CCDC24: variants seen among roughly 807,000 people sequenced by gnomAD.
CCDC24 encodes the protein coiled-coil domain-containing protein 24.
Under a neutral mutation model 31.6 loss-of-function variants are expected in CCDC24, and 34 were observed. The observed-to-expected ratio is 1.08, with a 90% CI of 0.82 to 1.43. The LOEUF is 1.43. Among genes scored for constraint, CCDC24 ranks in the 40% most tolerant of loss-of-function variants. The pLI is 0.00. For synonymous variants in CCDC24, 175 were observed against 157.3 expected (o/e 1.11, Z -0.84); for missense variants, 426 against 391.1 (o/e 1.09, Z -0.75).
In CCDC24 at chr1:43,995,077, G is replaced by C. The variant is rs377140087; in HGVS notation, c.498-31G>C. The C allele has an allele frequency of 1.5e-5, 23 of 1,561,778 alleles. No individual in the cohort carries two copies. The Admixed American group carries it at 4.0e-4, about 27-fold the overall frequency. On this transcript the variant is annotated intron_variant, in intron 5 of 8. Transcript: ENST00000372318. This position sits in a 1 kb window ranked among gnomAD's most constrained non-coding sequence, Gnocchi z 4.3. The stretch of plus-strand genomic sequence containing the variant: ...CAGCTGAGCCCTGGTCCTGTGTCTC[G>C]GGTTCTGGCTGCTGCTCCCTCATGT...
At chr1:43,992,460 G>A in intron 3 of CCDC24, 63 bp from the exon 4 acceptor site, 1 of 1,612,852 alleles carries the variant, frequency 6.2e-7, no homozygotes, top group Non-Finnish European at 8.5e-7. Context: ...AGGAGCCAGG[G>A]TTGCCTTTTC....
In CCDC24 at chr1:43,991,838, G is replaced by A; in HGVS notation, c.-32-9G>A. ...CGGTACCTCCCGCACTCTGACCTGC[G>A]GCCCGTAGGTCCGAGCCGGGGACGG... On this transcript the variant is annotated splice_polypyrimidine_tract_variant and intron_variant, in intron 1 of 8. Transcript: ENST00000372318. 1 of 1,545,700 alleles carries A rather than the reference G, an allele frequency of 6.5e-7. No homozygotes were observed. Among genetic ancestry groups the A allele is most frequent in the Non-Finnish European group, 8.7e-7 (1 of 1,144,622 alleles).
chr1:43,996,407 A>C lies in CCDC24; in HGVS notation c.*247A>C. 2 of 453,520 alleles carry C rather than the reference A, an allele frequency of 4.4e-6. No individual in the cohort carries two copies. The highest frequency in any genetic ancestry group is 3.9e-6 in the Non-Finnish European group (1 of 257,170). The allele number at this position is 453,520 out of a possible 1,614,324, so 28.1% of individuals were successfully genotyped here. ...GCCTTTCTCCTCCCAGGCCTCCACAAAGGCCTGGCAGACAGAGGTCTCATT... is the reference window on the plus strand; with the variant it reads ...GCCTTTCTCCTCCCAGGCCTCCACACAGGCCTGGCAGACAGAGGTCTCATT... On this transcript the variant is annotated 3_prime_UTR_variant, in exon 9 of 9. Transcript: ENST00000372318.
At position 43,995,667 on chromosome 1, in the gene CCDC24, G is replaced by T; in HGVS notation, c.619G>T (p.Ala207Ser). The T allele has an allele frequency of 1.9e-6, 3 of 1,613,582 alleles. No homozygotes were observed. Among genetic ancestry groups the T allele is most frequent in the Non-Finnish European group, 2.5e-6 (3 of 1,179,754 alleles). Residue 207 changes from alanine (A) to serine (S), a missense_variant, in exon 7 of 9, where the codon GCA becomes TCA. By Grantham distance (99) the Ala-to-Ser change is moderately conservative (BLOSUM62 1). Transcript: ENST00000372318. The surrounding 1 kb of genome is among the most constrained non-coding windows in gnomAD (Gnocchi z 4.3). ...TGAGGCAGCCCTGGAGCCCACCCTG[G>T]CAGGTGAGGACACGGAGCAGGGCCC... ...PSEAALEPTLAELKEQKKAME... is the reference protein window; with the variant it reads ...PSEAALEPTLSELKEQKKAME...
At chr1:43,993,663 AAG>A in intron 4 of CCDC24, 2 of 483,294 alleles carry the variant, frequency 4.1e-6, no homozygotes, top group Non-Finnish European at 7.5e-6. Context: ...AAAAAAAAAA[AAG>A]GAAAAGAAAC....
chr1:43,995,182 C>G lies in CCDC24; in HGVS notation c.552+20C>G, dbSNP rs1000535126. 17 of 1,556,248 alleles carry G rather than the reference C, an allele frequency of 1.1e-5. No homozygotes were observed. The highest frequency in any genetic ancestry group is 1.4e-5 in the Non-Finnish European group (16 of 1,151,166). ...CTGCAGGTGAGCCGCAGCCCTGGGC[C>G]CTCCCCCGAGCCTCACTGCTGAGCG... On this transcript the variant is annotated intron_variant, in intron 6 of 8. Transcript: ENST00000372318. This position sits in a 1 kb window ranked among gnomAD's most constrained non-coding sequence, Gnocchi z 4.3.
chr1:43,994,035 T>G, intron 5 of CCDC24, 71 bp downstream of exon 5: 1 of 1,385,072 alleles, frequency 7.2e-7, no homozygotes, highest in African/African-American at 1.4e-5. Context: ...GGTGCTGGGA[T>G]TGTGAGACAG....
Position 43,995,598 on chromosome 1 carries a change from C to T in CCDC24, c.553-3C>T. On this transcript the variant is annotated splice_polypyrimidine_tract_variant and splice_region_variant and intron_variant, in intron 6 of 8. Coordinates refer to ENST00000372318, the MANE Select transcript of CCDC24 (RefSeq NM_152499.4). This position sits in a 1 kb window ranked among gnomAD's most constrained non-coding sequence, Gnocchi z 4.3. The stretch of plus-strand genomic sequence containing the variant: ...CTGGGCACTGACGCAGCTCTCCCTG[C>T]AGCGCTGCCTGGAAGAGGAGTATTT... 1 of 1,604,538 alleles carries T rather than the reference C, an allele frequency of 6.2e-7. No individual in the cohort carries two copies. Among genetic ancestry groups the T allele is most frequent in the Non-Finnish European group, 8.5e-7 (1 of 1,174,770 alleles).
Position 43,992,315 on chromosome 1 carries a change from T to C in CCDC24, c.230T>C (p.Leu77Pro). 6.2e-7 allele frequency: 1 copy of C among 1,614,102 alleles called. No homozygotes were observed. The highest frequency in any genetic ancestry group is 1.1e-5 in the South Asian group (1 of 91,076). The change falls in exon 3 of 9, where the codon CTA (leucine) becomes CCA (proline). Residue 77 changes from leucine to proline, a missense_variant. Leu to Pro is a moderately conservative substitution (Grantham distance 98, BLOSUM62 -3). Coordinates refer to ENST00000372318, the MANE Select transcript of CCDC24 (RefSeq NM_152499.4). Reference protein sequence around the residue: ...PSSLLAPPPLLKDLLRQELRQ... With the variant: ...PSSLLAPPPLPKDLLRQELRQ... ...TCTCTTCTGGCACCACCGCCTCTCCTAAAGGACCTCTTGCGCCAGGAGCTC... is the reference window on the plus strand; with the variant it reads ...TCTCTTCTGGCACCACCGCCTCTCCCAAAGGACCTCTTGCGCCAGGAGCTC...
At position 43,995,427 on chromosome 1, in the gene CCDC24, A is replaced by G. The variant is rs1318092618; in HGVS notation, c.553-174A>G. On this transcript the variant is annotated intron_variant, in intron 6 of 8. Transcript: ENST00000372318. This position sits in a 1 kb window ranked among gnomAD's most constrained non-coding sequence, Gnocchi z 4.3. ...AAGTCTGGGTACAGGCCCCACCACT[A>G]TCTTGCCAAACTCAGCTCTTCCGCA... 1.3e-6 allele frequency: 1 copy of G among 765,214 alleles called. No homozygotes were observed. The highest frequency in any genetic ancestry group is 1.8e-5 in the African/African-American group (1 of 56,906). 47.4% of individuals were successfully genotyped at this position (765,214 alleles called of 1,614,324 possible).
chr1:43,995,228 ACCCAT>A lies in CCDC24; in HGVS notation c.552+67_552+71del. 6 of 1,470,228 alleles carry A rather than the reference ACCCAT, an allele frequency of 4.1e-6. No homozygotes were observed. Among genetic ancestry groups the A allele is most frequent in the Non-Finnish European group, 3.7e-6 (4 of 1,081,744 alleles). The allele number at this position is 1,470,228 out of a possible 1,614,324, so 91.1% of individuals were successfully genotyped here. A position where few individuals can be genotyped will look rare whatever the true frequency, so the allele number is the denominator to read the frequency against. On this transcript the variant is annotated intron_variant, in intron 6 of 8. Coordinates refer to ENST00000372318, the MANE Select transcript of CCDC24 (RefSeq NM_152499.4). This position sits in a 1 kb window ranked among gnomAD's most constrained non-coding sequence, Gnocchi z 4.3. Reference sequence around the variant, plus strand: ...GAGCGTAGACTCTCACCTGGGTGAGACCCATGTACCTGTGTGCATACATAGGTGCA... The same window carrying A: ...GAGCGTAGACTCTCACCTGGGTGAGAGTACCTGTGTGCATACATAGGTGCA...
In CCDC24 at chr1:43,994,442, CTT is replaced by C. The variant is rs1553157967; in HGVS notation, c.497+493_497+494del. 2.2e-4 allele frequency: 31 copies of C among 143,136 alleles called. No homozygotes were observed. In the South Asian group the frequency reaches 2.5e-3, roughly 11 times the overall value. 8.9% of individuals were successfully genotyped at this position (143,136 alleles called of 1,614,324 possible). On this transcript the variant is annotated intron_variant, in intron 5 of 8. Transcript: ENST00000372318. ...ACCCTGTTTCTTTCTTTCTTTCTTT[CTT>C]TTTTTTTTTTTTTTGAGATGGAGTC...
chr1:43,993,824 T>C, intron 4 of CCDC24, 63 bp from the exon 5 acceptor site: 14 of 1,443,316 alleles, frequency 9.7e-6, no homozygotes, highest in African/African-American at 2.8e-5. Context: ...CTAGAAGTGA[T>C]ATTTGGGTCC....
In CCDC24 at chr1:43,991,828, T is replaced by G; in HGVS notation, c.-32-19T>G. On this transcript the variant is annotated intron_variant, in intron 1 of 8. Transcript: ENST00000372318. Reference sequence around the variant, plus strand: ...GGCGGGCCCGCGGTACCTCCCGCACTCTGACCTGCGGCCCGTAGGTCCGAG... The same window carrying G: ...GGCGGGCCCGCGGTACCTCCCGCACGCTGACCTGCGGCCCGTAGGTCCGAG... 6.5e-7 allele frequency: 1 copy of G among 1,544,090 alleles called. No homozygotes were observed. The highest frequency in any genetic ancestry group is 8.7e-7 in the Non-Finnish European group (1 of 1,144,158).
chr1:43,993,518 G>C (rs112584608), intron 4 of CCDC24, among the ~76,000 whole-genome samples: 5 of 151,564 alleles, frequency 3.3e-5, no homozygotes, highest in African/African-American at 1.2e-4. Flanking sequence ...GTGGTGGCAC[G>C]CACCTGTAGT....
In CCDC24 at chr1:43,991,933, C is replaced by A. The variant is rs756372978; in HGVS notation, c.55C>A (p.Arg19=). ...WELVEEHVPL[R]ERREVKRILG... ...GCTGGTGGAGGAGCACGTTCCGCTC[C>A]GGGAGCGACGCGAAGTGAAGAGGAT... Residue 19 remains arginine, a synonymous_variant, in exon 2 of 9, where the codon CGG becomes AGG. Coordinates refer to ENST00000372318, the MANE Select transcript of CCDC24 (RefSeq NM_152499.4). 31 of 1,542,254 alleles carry A rather than the reference C, an allele frequency of 2.0e-5. No homozygotes were observed. Among genetic ancestry groups the A allele is most frequent in the Non-Finnish European group, 2.5e-5 (29 of 1,140,862 alleles).
Position 43,995,141 on chromosome 1 carries a change from G to A in CCDC24, c.531G>A (p.Glu177=). Residue 177 remains glutamate (E), a synonymous_variant, in exon 6 of 9, where the codon GAG becomes GAA. Coordinates refer to ENST00000372318, the MANE Select transcript of CCDC24 (RefSeq NM_152499.4). This position sits in a 1 kb window ranked among gnomAD's most constrained non-coding sequence, Gnocchi z 4.3. ...TGGAGGAGGAGTGTCACACCTTGGA[G>A]AGGGAGATCCTCATCCTGCAGGTGA... is the stretch of plus-strand genomic sequence containing the variant. The part of the protein sequence containing the change: ...GLLEEECHTL[E]REILILQRCL... 1 of 1,581,136 alleles carries A rather than the reference G, an allele frequency of 6.3e-7. No individual in the cohort carries two copies. The highest frequency in any genetic ancestry group is 8.6e-7 in the Non-Finnish European group (1 of 1,164,234).
chr1:43,994,594 C>T (rs1017079756), intron 5 of CCDC24: 3 of 161,780 alleles, frequency 1.9e-5, no homozygotes, highest in African/African-American at 7.2e-5. Flanking sequence ...ATGCCCACCA[C>T]CATGCCCAGC....
In CCDC24 at chr1:43,996,053, C is replaced by T. The variant is rs1304413443; in HGVS notation, c.817C>T (p.Arg273Ter). 3 of 1,614,104 alleles carry T rather than the reference C, an allele frequency of 1.9e-6. No individual in the cohort carries two copies. Among genetic ancestry groups the T allele is most frequent in the East Asian group, 2.2e-5 (1 of 44,888 alleles). Reference sequence around the variant, plus strand: ...TCCTCTGGAGCCCTACCTTCGACCTCGAGGCCAGTCGGCTACCCACCGCTG... The same window carrying T: ...TCCTCTGGAGCCCTACCTTCGACCTTGAGGCCAGTCGGCTACCCACCGCTG... ...APPLEPYLRP[R>*]GQSATHRWGR... is the part of the protein sequence containing the mutation. The change falls in exon 9 of 9, where the codon CGA becomes TGA. Residue 273 changes from arginine to a stop codon, truncating the protein, a stop_gained. Transcript: ENST00000372318. LOFTEE classifies it low-confidence loss of function (END_TRUNC).
Sources: gnomAD v4.1 joint callset for allele counts (sites outside exome capture counted in the v4.1 genomes callset) on GRCh38, gnomAD v4.1.1 for gene constraint, Gnocchi (gnomAD v3.1) non-coding constraint, MANE v1.5 for transcripts, NCBI Gene and HGNC (gene_info 2026-07-23, HGNC 2026-07-21) for gene names.